Variants in PUS10 observed in about 807,000 individuals in gnomAD.
PUS10 encodes the protein tRNA pseudouridine synthase Pus10.
Under a neutral mutation model 75.0 loss-of-function variants are expected in PUS10, and 59 were observed. That is an observed-to-expected ratio of 0.79 (90% CI 0.64 to 0.98). The LOEUF is 0.98. Among genes scored for constraint, PUS10 ranks in the 50% least tolerant of loss-of-function variants. The probability of loss-of-function intolerance (pLI) is 0.00; values close to 1 mark genes in which losing one functional copy is unlikely to be tolerated. For synonymous variants in PUS10, 219 were observed against 211.6 expected (o/e 1.03, Z -0.30); for missense variants, 650 against 614.4 (o/e 1.06, Z -0.61).
At chr2:61,012,009 T>G in intron 1 of PUS10, 104 bp from the exon 2 acceptor site, 1 of 793,798 alleles carries the variant, frequency 1.3e-6, no homozygotes, top group Non-Finnish European at 1.9e-6. Flanking sequence ...TGAAAAACAC[T>G]ATTGTGTACT....
rs1268950386 is a variant in PUS10 at position 61,008,899 on chromosome 2, A to G, written c.243T>C (p.Asp81=). ...IRLQELEDSI[D]NLSQNGEGRI... Reference sequence around the variant, plus strand: ...TTCCCTCTCCATTTTGACTTAGATTATCAATACTATCTTCCAGTTCTTGCA... The same window carrying G: ...TTCCCTCTCCATTTTGACTTAGATTGTCAATACTATCTTCCAGTTCTTGCA... Residue 81 remains aspartate, a synonymous_variant, in exon 3 of 18, where the codon GAT becomes GAC. Transcript: ENST00000316752. 1.2e-6 allele frequency: 2 copies of G among 1,613,974 alleles called. No homozygotes were observed. The highest frequency in any genetic ancestry group is 3.3e-5 in the Admixed American group (2 of 60,018).
In PUS10 at chr2:60,945,105, G is replaced by A. The variant is rs756047456; in HGVS notation, c.1455C>T (p.Tyr485=). 42 of 1,610,660 alleles carry A rather than the reference G, an allele frequency of 2.6e-5. No individual in the cohort carries two copies. In the Middle Eastern group the frequency reaches 4.9e-4, roughly 19 times the overall value. ...RLHLKTQAGT[Y]IKEFVHGDFG... is the part of the protein sequence containing the mutation. ...AGTCTCCATGTACAAACTCTTTAAT[G>A]TAGCTGGGGTTTGTTTAAGGAAAAA... Residue 485 remains tyrosine (Y), a synonymous_variant, in exon 17 of 18, where the codon TAC becomes TAT. Coordinates refer to ENST00000316752, the MANE Select transcript of PUS10 (RefSeq NM_144709.4).
chr2:61,013,338 C>A (rs1418099148), intron 1 of PUS10, among the ~76,000 whole-genome samples: 2 of 152,046 alleles, frequency 1.3e-5, no homozygotes, highest in African/African-American at 4.8e-5. Flanking sequence ...ACTCCCCATT[C>A]CATGGCAGGT....
At chr2:60,946,158 G>T (rs962389603) in intron 16 of PUS10, among the ~76,000 whole-genome samples, 1 of 152,016 alleles carries the variant, frequency 6.6e-6, no homozygotes, top group Non-Finnish European at 1.5e-5. Context: ...CCCCTTCTGC[G>T]TAGCAATGAT....
intron 3 of PUS10, 62 bp from the exon 4 acceptor site, chr2:61,006,705 T>G: frequency 7.8e-7 from 1 of 1,285,808 alleles, no homozygotes; most frequent in Non-Finnish European, 1.1e-6. Flanking sequence ...CTTACCCTAA[T>G]CTTAATAACA....
chr2:60,994,645 T>A (rs1289229670), intron 4 of PUS10, among the ~76,000 whole-genome samples: 1 of 152,220 alleles, frequency 6.6e-6, no homozygotes, highest in Non-Finnish European at 1.5e-5. Context: ...ATCACACTTG[T>A]TAAATAATTA....
At chr2:60,977,879 T>C (rs901394893) in intron 4 of PUS10, among the ~76,000 whole-genome samples, 1 of 152,184 alleles carries the variant, frequency 6.6e-6, no homozygotes, top group Non-Finnish European at 1.5e-5. Context: ...GGGTACTGCC[T>C]ATGTGGTGAG....
intron 11 of PUS10, among the ~76,000 whole-genome samples, chr2:60,956,860 AGCTACT>A (rs1675694339): frequency 6.6e-6 from 1 of 151,184 alleles, no homozygotes; most frequent in Admixed American, 6.6e-5. Context: ...CTGTAGTCCC[AGCTACT>A]TGGGAGGCTG....
intron 4 of PUS10, among the ~76,000 whole-genome samples, chr2:60,984,660 GAAT>G (rs1558943748): frequency 6.6e-6 from 1 of 152,164 alleles, no homozygotes; most frequent in African/African-American, 2.4e-5. Flanking sequence ...AAGGTGATCT[GAAT>G]ATTCTTCAAC....
At chr2:60,975,761 GT>G (rs751903295) in intron 4 of PUS10, among the ~76,000 whole-genome samples, 2 of 145,158 alleles carry the variant, frequency 1.4e-5, no homozygotes, top group African/African-American at 5.1e-5. Context: ...CTTTTTCTTT[GT>G]TTTTTTTCTT....
intron 1 of PUS10, among the ~76,000 whole-genome samples, chr2:61,012,388 A>G (rs1262933687): frequency 1.3e-5 from 2 of 152,096 alleles, no homozygotes; most frequent in Non-Finnish European, 2.9e-5. Flanking sequence ...CTCAGAAGCA[A>G]AAGTTTTTCT....
chr2:61,012,278 A>G (rs1679653165), intron 1 of PUS10, among the ~76,000 whole-genome samples: 2 of 152,126 alleles, frequency 1.3e-5, no homozygotes, highest in African/African-American at 4.8e-5. Flanking sequence ...GTATTGTACA[A>G]AGTTAATTCA....
chr2:61,002,164 C>A (rs1441249266), intron 4 of PUS10, among the ~76,000 whole-genome samples: 2 of 152,198 alleles, frequency 1.3e-5, no homozygotes, highest in Non-Finnish European at 2.9e-5. Context: ...TCTCACCTGA[C>A]CTACTGTATT....
chr2:60,956,468 G>T (rs1675658441), intron 11 of PUS10, among the ~76,000 whole-genome samples: 1 of 152,188 alleles, frequency 6.6e-6, no homozygotes, highest in Non-Finnish European at 1.5e-5. Flanking sequence ...CCTGTGACTG[G>T]CAGGGGTGAA....
chr2:61,009,106 A>G (rs1679437839), intron 2 of PUS10, 91 bp from the exon 3 acceptor site: 1 of 1,137,012 alleles, frequency 8.8e-7, no homozygotes, highest in South Asian at 1.6e-5. Context: ...ATGAGTGAAA[A>G]TTAGGACATA....
chr2:60,958,042 A>G (rs908846827), intron 11 of PUS10, among the ~76,000 whole-genome samples: 4 of 152,234 alleles, frequency 2.6e-5, no homozygotes, highest in South Asian at 2.1e-4. Context: ...GCTTTTGCCC[A>G]GAGAGAGAGA....
At chr2:60,980,308 G>A (rs1035866329) in intron 4 of PUS10, among the ~76,000 whole-genome samples, 1 of 152,178 alleles carries the variant, frequency 6.6e-6, no homozygotes, top group South Asian at 2.1e-4. Flanking sequence ...TTTGAATTTG[G>A]TTTTAGAGAG....
In PUS10 at chr2:60,953,986, T is replaced by C. The variant is rs1378813677; in HGVS notation, c.1137A>G (p.Lys379=). The stretch of plus-strand genomic sequence containing the variant: ...GGATTTTGTTAGATGAGTTATTAAT[T>C]TTCTGTAGTAGCAGAAAAAGAAAAA... ...TSQEIKELQQ[K]INNSSNKIQV... is the part of the protein sequence containing the mutation. Residue 379 remains lysine (K), a splice_region_variant and synonymous_variant, in exon 14 of 18, where the codon AAA becomes AAG. Coordinates refer to ENST00000316752, the MANE Select transcript of PUS10 (RefSeq NM_144709.4). The C allele has an allele frequency of 3.7e-6, 6 of 1,613,796 alleles. No homozygotes were observed. Among genetic ancestry groups the C allele is most frequent in the Non-Finnish European group, 5.1e-6 (6 of 1,179,732 alleles).
In PUS10 at chr2:60,971,531, C is replaced by G. The variant is rs768255112; in HGVS notation, c.495G>C (p.Gln165His). 1 of 1,613,612 alleles carries G rather than the reference C, an allele frequency of 6.2e-7. No individual in the cohort carries two copies. Among genetic ancestry groups the G allele is most frequent in the Non-Finnish European group, 8.5e-7 (1 of 1,179,670 alleles). Residue 165 changes from glutamine (Q) to histidine (H), a missense_variant, in exon 5 of 18, where the codon CAG becomes CAC. Coordinates refer to ENST00000316752, the MANE Select transcript of PUS10 (RefSeq NM_144709.4). ...REHAAWLLVKQEMGKQSLSLG... is the reference protein window; with the variant it reads ...REHAAWLLVKHEMGKQSLSLG... ...CTACCTAAATTACTTACCCCATTTCCTGTTTTACCAGCAACCATGCAGCAT... is the reference window on the plus strand; with the variant it reads ...CTACCTAAATTACTTACCCCATTTCGTGTTTTACCAGCAACCATGCAGCAT...
Sources: allele counts gnomAD v4.1 joint callset (sites outside exome capture counted in the v4.1 genomes callset), GRCh38; gene constraint gnomAD v4.1.1; transcripts MANE v1.5; gene names NCBI Gene and HGNC (gene_info 2026-07-23, HGNC 2026-07-21).